The following PTPRD variants were observed in gnomAD, a reference collection of about 807,000 sequenced individuals.
PTPRD encodes receptor-type tyrosine-protein phosphatase delta.
A neutral mutation model predicts 214.5 loss-of-function variants in PTPRD; 34 were observed. That is an observed-to-expected ratio of 0.16 (90% CI 0.12 to 0.21). The LOEUF is 0.21. Among genes scored for constraint, PTPRD ranks in the 10% least tolerant of loss-of-function variants. The probability of loss-of-function intolerance (pLI) is 1.00; values close to 1 mark genes in which losing one functional copy is unlikely to be tolerated. For synonymous variants in PTPRD, 1,128 were observed against 845.7 expected (o/e 1.33, Z -5.79); for missense variants, 2,545 against 2,398.7 (o/e 1.06, Z -1.27).
At chr9:8,955,851 G>T (rs923305737) in intron 11 of PTPRD, among the ~76,000 whole-genome samples, 1 of 151,774 alleles carries the variant, frequency 6.6e-6, no homozygotes, top group Admixed American at 6.6e-5. Context: ...AAGAAGAAAA[G>T]AAACTCATGC....
At chr9:8,813,385 G>C (rs1319787265) in intron 11 of PTPRD, among the ~76,000 whole-genome samples, 3 of 152,118 alleles carry the variant, frequency 2.0e-5, no homozygotes, top group African/African-American at 4.8e-5. Context: ...ATGCATCTTA[G>C]GAAATAAGTA....
intron 35 of PTPRD, 47 bp from the exon 36 acceptor site, chr9:8,404,707 C>A: frequency 6.4e-7 from 1 of 1,565,808 alleles, no homozygotes. Flanking sequence ...TACTGAAAAC[C>A]ACCAGATTAT....
chr9:9,593,714 G>A (rs2093000408), intron 7 of PTPRD, among the ~76,000 whole-genome samples: 1 of 151,972 alleles, frequency 6.6e-6, no homozygotes, highest in Non-Finnish European at 1.5e-5. Flanking sequence ...AAAGGTCACT[G>A]AGGAACACAA....
chr9:8,934,496 T>TATAA (rs2098981712), intron 11 of PTPRD, among the ~76,000 whole-genome samples: 1 of 31,740 alleles, frequency 3.2e-5, no homozygotes. Flanking sequence ...TATATATAAA[T>TATAA]ATATATATAA....
chr9:9,505,658 G>C (rs181827919), intron 8 of PTPRD, among the ~76,000 whole-genome samples: 91 of 151,592 alleles, frequency 6.0e-4, no homozygotes, highest in African/African-American at 2.1e-3. Flanking sequence ...ATCTAGGCAT[G>C]CTCACACAGG....
At position 10,318,717 on chromosome 9, in the gene PTPRD, T is replaced by A. The variant is rs530305286; in HGVS notation, c.-545+22246A>T. On this transcript the variant is annotated intron_variant, in intron 3 of 45. Transcript: ENST00000381196. ...ATCCTCTGCCCCCTAGCTCAGGTGATCCTCCCACTTAAGTTTCCAGAGTAG... is the reference window on the plus strand; with the variant it reads ...ATCCTCTGCCCCCTAGCTCAGGTGAACCTCCCACTTAAGTTTCCAGAGTAG... Among the ~76,000 whole-genome samples the A allele has an allele frequency of 3.9e-5, 6 of 152,102 alleles. No individual in the cohort carries two copies. In the South Asian group the frequency reaches 8.3e-4, roughly 21 times the overall value.
intron 12 of PTPRD, among the ~76,000 whole-genome samples, chr9:8,706,910 T>C (rs2098222197): frequency 6.6e-6 from 1 of 152,152 alleles, no homozygotes; most frequent in South Asian, 2.1e-4. Flanking sequence ...CTGTCCCCGC[T>C]GGACAGCACA....
intron 6 of PTPRD, among the ~76,000 whole-genome samples, chr9:9,757,738 A>T (rs2761713): frequency 0.81 from 122,548 of 152,010 alleles, 50,125 homozygotes; most frequent in African/African-American, 0.95. Context: ...AAATATAAGA[A>T]AGGATATGCC....
chr9:8,976,049 G>C (rs2099266313), intron 11 of PTPRD, among the ~76,000 whole-genome samples: 1 of 151,888 alleles, frequency 6.6e-6, no homozygotes, highest in African/African-American at 2.4e-5. Context: ...CCTTCACTTT[G>C]AAATATTTCC....
chr9:10,010,310 T>C (rs1292173322), intron 4 of PTPRD, among the ~76,000 whole-genome samples: 1 of 152,006 alleles, frequency 6.6e-6, no homozygotes, highest in Non-Finnish European at 1.5e-5. Flanking sequence ...TTTCTCAAAA[T>C]GCATTAAGCA....
chr9:9,609,984 ATATATTTACC>A (rs1381924901), intron 7 of PTPRD, among the ~76,000 whole-genome samples: 1 of 152,204 alleles, frequency 6.6e-6, no homozygotes, highest in Non-Finnish European at 1.5e-5. Flanking sequence ...TACTCATGGC[ATATATTTACC>A]AAATGCCTGG....
At chr9:8,698,134 C>A (rs1236399534) in intron 12 of PTPRD, among the ~76,000 whole-genome samples, 1 of 152,114 alleles carries the variant, frequency 6.6e-6, no homozygotes, top group African/African-American at 2.4e-5. Context: ...GTTTTAAATA[C>A]AACACTCAAA....
chr9:8,689,544 A>T (rs921122459), intron 12 of PTPRD, among the ~76,000 whole-genome samples: 5 of 152,192 alleles, frequency 3.3e-5, no homozygotes, highest in Admixed American at 2.6e-4. Flanking sequence ...AAAAGTGGGA[A>T]TCCCTGATAA....
chr9:9,226,216 C>A (rs1377414306), intron 9 of PTPRD, among the ~76,000 whole-genome samples: 1 of 151,360 alleles, frequency 6.6e-6, no homozygotes, highest in Non-Finnish European at 1.5e-5. Context: ...AAGATGCCTT[C>A]AGGGAAATCT....
chr9:9,372,146 G>A (rs1199288448), intron 9 of PTPRD, among the ~76,000 whole-genome samples: 1 of 152,128 alleles, frequency 6.6e-6, no homozygotes, highest in Non-Finnish European at 1.5e-5. Flanking sequence ...GTGCAGAGCT[G>A]AGTTCAATTC....
At chr9:9,040,866 C>A (rs1312551622) in intron 10 of PTPRD, among the ~76,000 whole-genome samples, 1 of 152,084 alleles carries the variant, frequency 6.6e-6, no homozygotes, top group Non-Finnish European at 1.5e-5. Flanking sequence ...CTTTGAAAAG[C>A]TTTTGTTTAT....
intron 35 of PTPRD, among the ~76,000 whole-genome samples, chr9:8,411,837 A>G (rs1220046495): frequency 6.6e-6 from 1 of 152,148 alleles, no homozygotes; most frequent in Non-Finnish European, 1.5e-5. Flanking sequence ...ACATCTTTGA[A>G]TTCTATATAG....
intron 9 of PTPRD, among the ~76,000 whole-genome samples, chr9:9,280,926 T>C (rs1044173835): frequency 6.6e-6 from 1 of 150,806 alleles, no homozygotes; most frequent in South Asian, 2.1e-4. Context: ...GACAGACAAA[T>C]AGATCAATGG....
intron 4 of PTPRD, among the ~76,000 whole-genome samples, chr9:9,990,809 G>A (rs2095886585): frequency 1.3e-5 from 2 of 152,122 alleles, no homozygotes; most frequent in South Asian, 4.1e-4. Context: ...ACATTAGAGA[G>A]GATGTGCTCA....
Sources: allele counts gnomAD v4.1 joint callset (sites outside exome capture counted in the v4.1 genomes callset), GRCh38; gene constraint gnomAD v4.1.1; transcripts MANE v1.5; gene names NCBI Gene and HGNC (gene_info 2026-07-23, HGNC 2026-07-21).